Variants in MAOA observed in about 807,000 individuals in gnomAD.
The protein encoded by MAOA is amine oxidase [flavin-containing] A.
MAOA carries 6 observed loss-of-function variants against 42.0 expected under a neutral mutation model. That is an observed-to-expected ratio of 0.14 (90% CI 0.08 to 0.28). The LOEUF (loss-of-function observed/expected upper bound fraction) is 0.28, where lower values mean the gene tolerates loss of function less well. MAOA is among the 10% of genes least tolerant of loss of function. The pLI is 1.00. For missense variants in MAOA, 262 were observed against 422.3 expected, an observed-to-expected ratio of 0.62 and a Z score of 3.33; for synonymous variants, 140 against 154.0, an observed-to-expected ratio of 0.91 and a Z score of 0.67.
chrX:43,704,759 G>A (rs893638102), intron 3 of MAOA, among the ~76,000 whole-genome samples: 12 of 111,222 alleles, frequency 1.1e-4, no homozygotes, highest in African/African-American at 3.9e-4. Context: ...CAAGTTCATC[G>A]AGGTTGCAGG....
At chrX:43,655,998 G>A (rs1401452761), upstream of MAOA, 34 of 263,658 alleles carry the variant, frequency 1.3e-4, no homozygotes, top group East Asian at 2.1e-3. Context: ...GACACTCCGC[G>A]GGGTTCAATA....
chrX:43,731,802 G>A lies in MAOA; in HGVS notation c.904G>A (p.Ala302Thr). The A allele has an allele frequency of 1.7e-6, 2 of 1,209,453 alleles. No individual in the cohort carries two copies. The highest frequency in any genetic ancestry group is 2.2e-6 in the Non-Finnish European group (2 of 893,320). Residue 302 changes from alanine to threonine, a missense_variant, in exon 8 of 15, where the codon GCT (alanine) becomes ACT (threonine). Ala to Thr is a moderately conservative substitution (Grantham distance 58). Around this residue, in one of 3 missense-constraint regions of MAOA, gnomAD observed 86 missense variants for 190.3 expected, o/e 0.45. Transcript: ENST00000338702. ...GTTAATTCAGCGGCTTCCAATGGGAGCTGTCATTAAGTGCATGATGTATTA... is the reference window on the plus strand; with the variant it reads ...GTTAATTCAGCGGCTTCCAATGGGAACTGTCATTAAGTGCATGATGTATTA... ...NQLIQRLPMG[A>T]VIKCMMYYKE...
chrX:43,667,819 G>C (rs2310883), intron 1 of MAOA, among the ~76,000 whole-genome samples: 4,807 of 111,763 alleles, frequency 0.043, 272 homozygotes, highest in African/African-American at 0.15. Flanking sequence ...TACTGTGCAA[G>C]TATGAAGTAT....
At chrX:43,734,584 G>A (rs1402063638) in intron 9 of MAOA, among the ~76,000 whole-genome samples, 1 of 111,987 alleles carries the variant, frequency 8.9e-6, no homozygotes, top group African/African-American at 3.2e-5. Flanking sequence ...CCACAGCCAC[G>A]AAAACCTTGA....
chrX:43,700,881 AG>A (rs1450996266), intron 3 of MAOA, among the ~76,000 whole-genome samples: 2 of 112,041 alleles, frequency 1.8e-5, no homozygotes, highest in African/African-American at 6.5e-5. Flanking sequence ...TGGATAAGTC[AG>A]GGTAGAAGAT....
intron 1 of MAOA, among the ~76,000 whole-genome samples, chrX:43,675,940 C>T (rs2033391277): frequency 8.9e-6 from 1 of 112,218 alleles, no homozygotes; most frequent in African/African-American, 3.2e-5. Context: ...AGATCTCCAG[C>T]TGTGTGCTGG....
chrX:43,679,705 A>G (rs1052587288), intron 1 of MAOA, among the ~76,000 whole-genome samples: 6 of 111,458 alleles, frequency 5.4e-5, no homozygotes, highest in African/African-American at 2.0e-4. Context: ...GGGTATATTT[A>G]TCTACCTAAC....
At chrX:43,688,498 G>A (rs2033506591) in intron 2 of MAOA, among the ~76,000 whole-genome samples, 1 of 111,788 alleles carries the variant, frequency 8.9e-6, no homozygotes, top group African/African-American at 3.3e-5. Context: ...CCAGGCTGGT[G>A]TGTTTTAATT....
chrX:43,725,496 CTT>C (rs1185277972), intron 5 of MAOA, among the ~76,000 whole-genome samples: 1 of 102,900 alleles, frequency 9.7e-6, no homozygotes, highest in Non-Finnish European at 2.0e-5. Flanking sequence ...ACAACCCCTG[CTT>C]TTTTTTTTTG....
At chrX:43,673,548 T>C (rs1220894588) in intron 1 of MAOA, among the ~76,000 whole-genome samples, 1 of 109,513 alleles carries the variant, frequency 9.1e-6, no homozygotes, top group East Asian at 2.8e-4. Flanking sequence ...AGGGTGTCAA[T>C]TTTGGATCTT....
chrX:43,731,656 T>C, intron 7 of MAOA, 38 bp from the exon 8 acceptor site: 1 of 1,180,169 alleles, frequency 8.5e-7, no homozygotes, highest in South Asian at 1.8e-5. Context: ...AGACTGCAGC[T>C]CACATTTGAG....
intron 1 of MAOA, among the ~76,000 whole-genome samples, chrX:43,672,034 A>T (rs1391802365): frequency 9.0e-6 from 1 of 111,570 alleles, no homozygotes; most frequent in Non-Finnish European, 1.9e-5. Context: ...TACCTTGGGC[A>T]GTATGGCCGG....
At chrX:43,699,341 A>G (rs1348605026) in intron 3 of MAOA, among the ~76,000 whole-genome samples, 2 of 92,375 alleles carry the variant, frequency 2.2e-5, no homozygotes, top group Non-Finnish European at 4.4e-5. Flanking sequence ...AAAAAATGAA[A>G]ATGTTGGATT....
At chrX:43,691,521 A>G (rs1463625862) in intron 2 of MAOA, among the ~76,000 whole-genome samples, 1 of 112,372 alleles carries the variant, frequency 8.9e-6, no homozygotes, top group Non-Finnish European at 1.9e-5. Flanking sequence ...AGAAAAATAT[A>G]ATTCATCAAA....
At chrX:43,669,359 A>T (rs1243723118) in intron 1 of MAOA, among the ~76,000 whole-genome samples, 1 of 110,873 alleles carries the variant, frequency 9.0e-6, no homozygotes, top group Non-Finnish European at 1.9e-5. Flanking sequence ...CAGAGATTGC[A>T]GTGAGCTGAG....
chrX:43,739,555 T>C (rs945769796), intron 10 of MAOA, among the ~76,000 whole-genome samples: 3 of 112,355 alleles, frequency 2.7e-5, no homozygotes, highest in Non-Finnish European at 3.8e-5. Flanking sequence ...TAAAATATTT[T>C]CTAATGTAAT....
At chrX:43,672,225 C>T (rs1236174204) in intron 1 of MAOA, among the ~76,000 whole-genome samples, 2 of 111,320 alleles carry the variant, frequency 1.8e-5, no homozygotes, top group East Asian at 2.8e-4. Flanking sequence ...GGAGTTCACT[C>T]GTGATTTGGC....
chrX:43,714,986 A>G (rs2033730793), intron 5 of MAOA, among the ~76,000 whole-genome samples: 1 of 110,436 alleles, frequency 9.1e-6, no homozygotes, highest in Non-Finnish European at 1.9e-5. Flanking sequence ...GACAGGAAAC[A>G]TAGATGGTGA....
intron 9 of MAOA, among the ~76,000 whole-genome samples, chrX:43,734,036 G>A (rs763812498): frequency 1.8e-5 from 2 of 110,586 alleles, no homozygotes; most frequent in African/African-American, 6.6e-5. Context: ...GGAGAATGTC[G>A]GTTAAGACAA....
Sources: allele counts gnomAD v4.1 joint callset (sites outside exome capture counted in the v4.1 genomes callset), GRCh38; gene constraint gnomAD v4.1.1; regional missense constraint gnomAD v4.1.1; transcripts MANE v1.5; gene names NCBI Gene and HGNC (gene_info 2026-07-23, HGNC 2026-07-21).